The following GRIA2 variants were observed in gnomAD, a reference collection of about 807,000 sequenced individuals.
The protein encoded by GRIA2 is glutamate receptor 2.
In GRIA2, 14 loss-of-function variants were observed where a neutral mutation model predicts 97.3. The observed-to-expected ratio is 0.14, with a 90% CI of 0.10 to 0.23. The LOEUF (loss-of-function observed/expected upper bound fraction) is 0.23, where lower values mean the gene tolerates loss of function less well. Ranked by LOEUF, GRIA2 falls within the 10% of genes least tolerant of loss-of-function variation. The pLI is 1.00. For missense variants in GRIA2, 558 were observed against 1,069.8 expected (o/e 0.52, Z 6.67); for synonymous variants, 412 against 387.8 (o/e 1.06, Z -0.73).
chr4:157,257,688 A>G (rs1247074823), intron 2 of GRIA2, among the ~76,000 whole-genome samples: 3 of 152,082 alleles, frequency 2.0e-5, no homozygotes, highest in East Asian at 1.9e-4. Flanking sequence ...ATGGCAACCA[A>G]CTAAATTTTC....
chr4:157,340,048 A>G (rs2126948810), intron 11 of GRIA2, among the ~76,000 whole-genome samples: 1 of 151,814 alleles, frequency 6.6e-6, no homozygotes, highest in Non-Finnish European at 1.5e-5. Flanking sequence ...ATGTTTTTAT[A>G]TCAAAAAACT....
intron 2 of GRIA2, among the ~76,000 whole-genome samples, chr4:157,228,996 T>G (rs1579287667): frequency 6.6e-6 from 1 of 152,134 alleles, no homozygotes; most frequent in South Asian, 2.1e-4. Flanking sequence ...CAGAATTGTT[T>G]TAGTAACTCC....
chr4:157,252,634 A>G (rs1227345573), intron 2 of GRIA2, among the ~76,000 whole-genome samples: 1 of 152,144 alleles, frequency 6.6e-6, no homozygotes, highest in Non-Finnish European at 1.5e-5. Context: ...ATTGTGAACT[A>G]ATATTTTCTA....
chr4:157,222,222 G>A (rs1281523632), intron 2 of GRIA2, among the ~76,000 whole-genome samples: 1 of 152,092 alleles, frequency 6.6e-6, no homozygotes, highest in Non-Finnish European at 1.5e-5. Flanking sequence ...CGGGCTGTTG[G>A]ACAAATCCCA....
intron 2 of GRIA2, among the ~76,000 whole-genome samples, chr4:157,271,391 G>C (rs148569187): frequency 1.3e-3 from 205 of 152,152 alleles, no homozygotes; most frequent in African/African-American, 4.7e-3. Context: ...TGCTTTGGAG[G>C]CTATAAATCA....
chr4:157,335,537 G>C, intron 9 of GRIA2, 134 bp from the exon 10 acceptor site: 1 of 639,806 alleles, frequency 1.6e-6, no homozygotes, highest in South Asian at 1.9e-5. Flanking sequence ...TTCCTCTACT[G>C]TTGTGTGTTC....
At chr4:157,237,178 T>A (rs761230067) in intron 2 of GRIA2, among the ~76,000 whole-genome samples, 3 of 152,150 alleles carry the variant, frequency 2.0e-5, no homozygotes, top group Admixed American at 1.3e-4. Flanking sequence ...TCTGGCTTTA[T>A]GTGATTAACA....
chr4:157,296,899 A>C (rs1733372840), intron 2 of GRIA2, among the ~76,000 whole-genome samples: 1 of 152,180 alleles, frequency 6.6e-6, no homozygotes, highest in African/African-American at 2.4e-5. Context: ...TTTATGGGCA[A>C]ACTAGACAAA....
At chr4:157,271,776 C>T in intron 2 of GRIA2, among the ~76,000 whole-genome samples, 1 of 152,080 alleles carries the variant, frequency 6.6e-6, no homozygotes, top group East Asian at 1.9e-4. Flanking sequence ...AGCCTCTGTC[C>T]TGAAGCTACC....
At chr4:157,231,328 C>G (rs1353399241) in intron 2 of GRIA2, among the ~76,000 whole-genome samples, 1 of 152,124 alleles carries the variant, frequency 6.6e-6, no homozygotes, top group Admixed American at 6.6e-5. Context: ...CGTGAGCCAC[C>G]ATGCCTGGTC....
In GRIA2 at chr4:157,220,776, G is replaced by T; in HGVS notation, c.-267G>T. On this transcript the variant is annotated 5_prime_UTR_variant, in exon 1 of 16. Transcript: ENST00000264426. ...GGTGCTGAATATTCCGAGACACTGG[G>T]ACCACAGCGGCAGCTCCGCTGAAAA... The T allele has an allele frequency of 1.9e-6, 1 of 526,338 alleles. No individual in the cohort carries two copies. Among genetic ancestry groups the T allele is most frequent in the East Asian group, 3.4e-5 (1 of 29,822 alleles). 32.6% of individuals were successfully genotyped at this position (526,338 alleles called of 1,614,324 possible). A position where few individuals can be genotyped will look rare whatever the true frequency, so the allele number is the denominator to read the frequency against.
At chr4:157,241,759 G>A (rs1730522046) in intron 2 of GRIA2, among the ~76,000 whole-genome samples, 1 of 151,922 alleles carries the variant, frequency 6.6e-6, no homozygotes, top group Admixed American at 6.6e-5. Context: ...CTTCCTCATT[G>A]TATGGCTATT....
chr4:157,236,709 A>G (rs1730265314), intron 2 of GRIA2, among the ~76,000 whole-genome samples: 1 of 152,148 alleles, frequency 6.6e-6, no homozygotes, highest in Non-Finnish European at 1.5e-5. Flanking sequence ...TAAATTTTTT[A>G]AAGCTTTGCT....
At chr4:157,348,691 G>A (rs971855949) in intron 12 of GRIA2, among the ~76,000 whole-genome samples, 2 of 152,078 alleles carry the variant, frequency 1.3e-5, no homozygotes, top group African/African-American at 4.8e-5. Flanking sequence ...AAAATTTATA[G>A]TATCTCTCTC....
chr4:157,337,748 C>A (rs989447764), intron 11 of GRIA2, among the ~76,000 whole-genome samples: 8 of 151,452 alleles, frequency 5.3e-5, no homozygotes, highest in Non-Finnish European at 1.0e-4. Context: ...AGATTTGCAT[C>A]TTTTGCAATC....
intron 12 of GRIA2, among the ~76,000 whole-genome samples, chr4:157,351,412 C>T (rs531021963): frequency 4.6e-5 from 7 of 152,028 alleles, no homozygotes; most frequent in South Asian, 2.1e-4. Context: ...TATATGTGCA[C>T]GTATAGTTAA....
intron 2 of GRIA2, among the ~76,000 whole-genome samples, chr4:157,225,097 C>T (rs1182728874): frequency 3.3e-5 from 5 of 152,050 alleles, no homozygotes; most frequent in Admixed American, 1.3e-4. Flanking sequence ...TTGAAGTGGA[C>T]GTTGATATGA....
At chr4:157,313,286 A>G (rs1022921019) in intron 4 of GRIA2, among the ~76,000 whole-genome samples, 8 of 152,262 alleles carry the variant, frequency 5.3e-5, no homozygotes, top group African/African-American at 1.7e-4. Flanking sequence ...GGAGTTACAT[A>G]GACCATCTAT....
intron 11 of GRIA2, among the ~76,000 whole-genome samples, chr4:157,340,181 A>G (rs2126949101): frequency 6.6e-6 from 1 of 152,004 alleles, no homozygotes; most frequent in Admixed American, 6.6e-5. Flanking sequence ...GTTAATTGTC[A>G]GAAACTTTAG....
Sources: gnomAD v4.1 joint callset for allele counts (sites outside exome capture counted in the v4.1 genomes callset) on GRCh38, gnomAD v4.1.1 for gene constraint, MANE v1.5 for transcripts, NCBI Gene and HGNC (gene_info 2026-07-23, HGNC 2026-07-21) for gene names.